Variants in CHSY3 observed in about 807,000 individuals in gnomAD.
CHSY3 encodes the protein chondroitin sulfate synthase 3, also known as N-acetylgalactosaminyl-proteoglycan 3-beta-glucuronosyltransferase 3.
CHSY3 carries 35 observed loss-of-function variants against 67.2 expected under a neutral mutation model. The ratio of observed to expected loss-of-function variants is 0.52; its 90% confidence interval spans 0.40 to 0.69. The LOEUF (loss-of-function observed/expected upper bound fraction) is 0.69, where lower values mean the gene tolerates loss of function less well. Among genes scored for constraint, CHSY3 ranks in the 30% least tolerant of loss-of-function variants. CHSY3 has a pLI of 0.00. For synonymous variants in CHSY3, 474 were observed against 434.7 expected (o/e 1.09, Z -1.12); for missense variants, 1,069 against 1,138.5 (o/e 0.94, Z 0.88).
rs148926746 is a variant in CHSY3 at position 129,962,645 on chromosome 5, A to C, written c.1086+54285A>C. 3.8e-3 allele frequency among the ~76,000 whole-genome samples: 575 copies of C among 152,104 alleles called. 4 individuals are homozygous for C. Among genetic ancestry groups the C allele is most frequent in the African/African-American group, 0.013 (547 of 41,548 alleles). Reference sequence around the variant, plus strand: ...CTGTGTGCTTTTGCAGCTCTGTCTCATGCTCTCTGCTCTCTGCTCTCCAAC... The same window carrying C: ...CTGTGTGCTTTTGCAGCTCTGTCTCCTGCTCTCTGCTCTCTGCTCTCCAAC... On this transcript the variant is annotated intron_variant, in intron 2 of 2. Transcript: ENST00000305031.
At chr5:129,934,583 G>GT (rs1291761645) in intron 2 of CHSY3, among the ~76,000 whole-genome samples, 3 of 152,134 alleles carry the variant, frequency 2.0e-5, no homozygotes, top group Non-Finnish European at 4.4e-5. Flanking sequence ...TTCTGGAGGA[G>GT]TAAGTCTGGA....
At chr5:130,128,970 G>A (rs1321428345) in intron 2 of CHSY3, among the ~76,000 whole-genome samples, 2 of 151,136 alleles carry the variant, frequency 1.3e-5, no homozygotes, top group African/African-American at 4.9e-5. Flanking sequence ...TCTGCATAGA[G>A]AATGCTCAAT....
At chr5:129,969,128 T>C (rs1762559859) in intron 2 of CHSY3, among the ~76,000 whole-genome samples, 1 of 151,858 alleles carries the variant, frequency 6.6e-6, no homozygotes, top group Non-Finnish European at 1.5e-5. Context: ...TGTGGGTCAA[T>C]GGAAGTAAAT....
intron 2 of CHSY3, among the ~76,000 whole-genome samples, chr5:129,957,327 CTT>C (rs1387434178): frequency 4.0e-5 from 6 of 151,710 alleles, no homozygotes; most frequent in African/African-American, 1.5e-4. Flanking sequence ...TATTCTGAGA[CTT>C]TGCTGAAATT....
At chr5:130,164,010 A>C (rs971985871) in intron 2 of CHSY3, among the ~76,000 whole-genome samples, 1 of 152,282 alleles carries the variant, frequency 6.6e-6, no homozygotes, top group African/African-American at 2.4e-5. Context: ...ATTTGACAGA[A>C]TTTTCTCTTC....
Position 129,905,402 on chromosome 5 carries a change from G to A in CHSY3, c.573G>A (p.Ala191=), listed in dbSNP as rs1466244990. Residue 191 remains alanine (A), a synonymous_variant, in exon 1 of 3, where the codon GCG becomes GCA. Transcript: ENST00000305031. ...ACCTGGGCAGCCGCGCGCTGGCCGC[G>A]CAGCGGACCTGGGCGCGTTTCATCC... ...QKYLGSRALA[A]QRTWARFIPG... 3.1e-6 allele frequency: 5 copies of A among 1,606,820 alleles called. No individual in the cohort carries two copies. The South Asian group carries it at 3.3e-5, about 11-fold the overall frequency.
intron 2 of CHSY3, among the ~76,000 whole-genome samples, chr5:129,962,287 A>G (rs189717564): frequency 2.6e-4 from 39 of 151,970 alleles, no homozygotes; most frequent in African/African-American, 8.9e-4. Flanking sequence ...ACAGAAACCT[A>G]AGTCATTCAT....
chr5:129,943,835 T>C (rs1202807067), intron 2 of CHSY3, among the ~76,000 whole-genome samples: 1 of 152,206 alleles, frequency 6.6e-6, no homozygotes, highest in African/African-American at 2.4e-5. Context: ...CTTTTTTGGA[T>C]TAAATATTAA....
At chr5:129,934,103 A>G (rs1179250216) in intron 2 of CHSY3, among the ~76,000 whole-genome samples, 1 of 152,156 alleles carries the variant, frequency 6.6e-6, no homozygotes. Context: ...TAGACAATAG[A>G]TGGAAATGGT....
In CHSY3 at chr5:129,979,116, C is replaced by T. The variant is rs1023737727; in HGVS notation, c.1086+70756C>T. Among the ~76,000 whole-genome samples, 4 of 139,234 alleles carry T rather than the reference C, an allele frequency of 2.9e-5. No individual in the cohort carries two copies. The Admixed American group carries it at 3.2e-4, about 11-fold the overall frequency. The allele number at this position is 139,234 out of a possible 152,430, so 91.3% of individuals were successfully genotyped here. On this transcript the variant is annotated intron_variant, in intron 2 of 2. Coordinates refer to ENST00000305031, the MANE Select transcript of CHSY3 (RefSeq NM_175856.5). ...TCAGGAGGCTGAGGCAGGAGAATAG[C>T]GTGAACCTGGGAGGCAGAGCTTGCA... is the stretch of plus-strand genomic sequence containing the variant.
In CHSY3 at chr5:130,180,025, C is replaced by T. The variant is rs112722917; in HGVS notation, c.1087-4204C>T. 4.7e-3 allele frequency among the ~76,000 whole-genome samples: 717 copies of T among 152,218 alleles called. 4 individuals carry two copies. Among genetic ancestry groups the T allele is most frequent in the African/African-American group, 0.016 (681 of 41,524 alleles). On this transcript the variant is annotated intron_variant, in intron 2 of 2. Coordinates refer to ENST00000305031, the MANE Select transcript of CHSY3 (RefSeq NM_175856.5). ...CAAATGTTGCCATCAGGGTTTATTC[C>T]GCCTGTCCAGCTCACCTGAGTTCCT...
At chr5:130,133,796 G>A (rs138503488) in intron 2 of CHSY3, among the ~76,000 whole-genome samples, 6,602 of 94,764 alleles carry the variant, frequency 0.07, 62 homozygotes, top group Non-Finnish European at 0.083. Context: ...AAAAAAAAAA[G>A]AAAAAAAAAA....
At chr5:130,009,469 G>A (rs1305482114) in intron 2 of CHSY3, among the ~76,000 whole-genome samples, 1 of 151,502 alleles carries the variant, frequency 6.6e-6, no homozygotes, top group African/African-American at 2.4e-5. Flanking sequence ...TTAAAGGAGT[G>A]CTAGACATGA....
At chr5:129,906,012 C>T (rs990442233) in intron 1 of CHSY3, 2 of 244,426 alleles carry the variant, frequency 8.2e-6, no homozygotes, top group Admixed American at 5.1e-5. Context: ...TTTCCCCAAT[C>T]GGTCCAGAGG....
At chr5:130,145,751 A>G (rs1213398292) in intron 2 of CHSY3, among the ~76,000 whole-genome samples, 1 of 152,198 alleles carries the variant, frequency 6.6e-6, no homozygotes, top group African/African-American at 2.4e-5. Context: ...ACAACTCAAC[A>G]GCAAAAAAAC....
At chr5:130,021,251 C>T (rs1469753787) in intron 2 of CHSY3, among the ~76,000 whole-genome samples, 1 of 152,132 alleles carries the variant, frequency 6.6e-6, no homozygotes, top group Non-Finnish European at 1.5e-5. Flanking sequence ...GTTAATATTG[C>T]ACTAAGAAAC....
In CHSY3 at chr5:130,114,928, A is replaced by T. The variant is rs140355073; in HGVS notation, c.1087-69301A>T. ...CCTGAAGATGCCACTCAACTATTGA[A>T]CAGTCCTCTCTAAATTTGTCCTAGG... On this transcript the variant is annotated intron_variant, in intron 2 of 2. Transcript: ENST00000305031. Among the ~76,000 whole-genome samples the T allele has an allele frequency of 2.8e-3, 430 of 152,236 alleles. 3 individuals are homozygous for T. Among genetic ancestry groups the T allele is most frequent in the African/African-American group, 1.0e-2 (415 of 41,534 alleles).
At chr5:129,906,352 A>C (rs1251526946) in intron 1 of CHSY3, among the ~76,000 whole-genome samples, 1 of 151,934 alleles carries the variant, frequency 6.6e-6, no homozygotes, top group African/African-American at 2.4e-5. Context: ...TGTTGTAAGG[A>C]ATTGGTGGTG....
chr5:129,907,728 T>C, intron 1 of CHSY3, among the ~76,000 whole-genome samples: 1 of 152,280 alleles, frequency 6.6e-6, no homozygotes, highest in South Asian at 2.1e-4. Flanking sequence ...CAGTATTTAA[T>C]ATTATTTTAT....
Sources: gnomAD v4.1 joint callset for allele counts (sites outside exome capture counted in the v4.1 genomes callset) on GRCh38, gnomAD v4.1.1 for gene constraint, MANE v1.5 for transcripts, NCBI Gene and HGNC (gene_info 2026-07-23, HGNC 2026-07-21) for gene names.